ASIC2: variants seen among roughly 807,000 people sequenced by gnomAD.
ASIC2 encodes the protein acid-sensing ion channel 2.
In ASIC2, 25 loss-of-function variants were observed where a neutral mutation model predicts 57.3. That is an observed-to-expected ratio of 0.44 (90% CI 0.32 to 0.61). The LOEUF (loss-of-function observed/expected upper bound fraction) is 0.61, where lower values mean the gene tolerates loss of function less well. Ranked by LOEUF, ASIC2 falls within the 20% of genes least tolerant of loss-of-function variation. ASIC2 has a pLI of 0.06. For synonymous variants in ASIC2, 319 were observed against 307.5 expected (o/e 1.04, Z -0.39); for missense variants, 641 against 738.1 (o/e 0.87, Z 1.52).
chr17:34,086,336 T>C (rs928379633), intron 1 of ASIC2, among the ~76,000 whole-genome samples: 2 of 152,232 alleles, frequency 1.3e-5, no homozygotes, highest in African/African-American at 2.4e-5. Flanking sequence ...AGTTTCCATG[T>C]AGTTGAGCGG....
At chr17:33,562,506 A>C (rs1916104179) in intron 1 of ASIC2, among the ~76,000 whole-genome samples, 1 of 152,188 alleles carries the variant, frequency 6.6e-6, no homozygotes, top group African/African-American at 2.4e-5. Context: ...GATGGATGTC[A>C]TTGCTGCATC....
At chr17:34,039,531 A>T in intron 1 of ASIC2, 1 of 1,613,918 alleles carries the variant, frequency 6.2e-7, no homozygotes, top group Admixed American at 1.7e-5. Context: ...TGGATAAGGA[A>T]TGTTGCAGTG....
intron 1 of ASIC2, among the ~76,000 whole-genome samples, chr17:33,875,674 A>G (rs1914528423): frequency 6.6e-6 from 1 of 152,146 alleles, no homozygotes; most frequent in South Asian, 2.1e-4. Context: ...TGCCCTCCCC[A>G]ACTTCTATCT....
chr17:33,097,126 T>C (rs1050280015), intron 2 of ASIC2, among the ~76,000 whole-genome samples: 1 of 152,220 alleles, frequency 6.6e-6, no homozygotes, highest in Admixed American at 6.5e-5. Context: ...GTGGCCTCGC[T>C]CAAATACTTT....
intron 1 of ASIC2, among the ~76,000 whole-genome samples, chr17:33,354,983 G>A (rs1195009941): frequency 6.6e-6 from 1 of 152,144 alleles, no homozygotes; most frequent in African/African-American, 2.4e-5. Context: ...AGCAGCCTGT[G>A]GGCAGGAGAT....
intron 1 of ASIC2, among the ~76,000 whole-genome samples, chr17:33,415,250 C>CA (rs1910802589): frequency 2.0e-5 from 3 of 152,218 alleles, no homozygotes; most frequent in Admixed American, 2.0e-4. Flanking sequence ...TCAGGGACAT[C>CA]AAAATCTGTC....
intron 1 of ASIC2, among the ~76,000 whole-genome samples, chr17:34,027,522 G>A (rs76157945): frequency 0.018 from 2,685 of 152,184 alleles, 66 homozygotes; most frequent in East Asian, 0.059. Context: ...AAACCAACCT[G>A]AGCACTTTAT....
At chr17:33,777,723 C>A (rs1036747673) in intron 1 of ASIC2, among the ~76,000 whole-genome samples, 1 of 152,148 alleles carries the variant, frequency 6.6e-6, no homozygotes, top group African/African-American at 2.4e-5. Context: ...TAATTATAAG[C>A]TGGAAAAAAG....
intron 1 of ASIC2, among the ~76,000 whole-genome samples, chr17:33,810,119 C>A (rs1912377395): frequency 6.6e-6 from 1 of 152,100 alleles, no homozygotes; most frequent in South Asian, 2.1e-4. Flanking sequence ...CTTGTACAAT[C>A]CAGGTTGTGA....
intron 1 of ASIC2, among the ~76,000 whole-genome samples, chr17:33,622,573 A>G (rs1385676477): frequency 6.6e-6 from 1 of 152,202 alleles, no homozygotes; most frequent in Non-Finnish European, 1.5e-5. Context: ...CAAAATGGCA[A>G]CTAAGCTATG....
At chr17:33,531,077 T>A (rs535244901) in intron 1 of ASIC2, among the ~76,000 whole-genome samples, 1 of 140,150 alleles carries the variant, frequency 7.1e-6, no homozygotes, top group Admixed American at 7.4e-5. Flanking sequence ...TATTAACTTA[T>A]TGACTAACTT....
At chr17:33,885,792 A>G (rs1028578025) in intron 1 of ASIC2, among the ~76,000 whole-genome samples, 26 of 152,232 alleles carry the variant, frequency 1.7e-4, no homozygotes, top group African/African-American at 6.3e-4. Flanking sequence ...GGGATTTATC[A>G]GTTTTTCTTC....
intron 1 of ASIC2, among the ~76,000 whole-genome samples, chr17:33,574,763 C>G (rs1196884700): frequency 6.6e-6 from 1 of 151,976 alleles, no homozygotes; most frequent in Non-Finnish European, 1.5e-5. Context: ...TGGTTCCTCT[C>G]TGTCTCAAAA....
At chr17:33,925,870 A>T (rs984130742) in intron 1 of ASIC2, among the ~76,000 whole-genome samples, 1 of 152,178 alleles carries the variant, frequency 6.6e-6, no homozygotes, top group African/African-American at 2.4e-5. Context: ...ATTTCACAAT[A>T]CTTCTTTGGC....
At chr17:33,017,838 C>T (rs148801940) in intron 7 of ASIC2, among the ~76,000 whole-genome samples, 154 bp from the exon 8 acceptor site, 172 of 152,364 alleles carry the variant, frequency 1.1e-3, no homozygotes, top group African/African-American at 3.9e-3. Context: ...GCAGTTCCTT[C>T]CCTCACGGCA....
intron 1 of ASIC2, among the ~76,000 whole-genome samples, chr17:33,788,721 A>G (rs989553746): frequency 6.6e-6 from 1 of 152,252 alleles, no homozygotes. Context: ...CTATGCAGCC[A>G]TAAAAAGGAA....
At chr17:33,579,582 G>A (rs943868924) in intron 1 of ASIC2, among the ~76,000 whole-genome samples, 4 of 152,144 alleles carry the variant, frequency 2.6e-5, no homozygotes, top group Admixed American at 6.5e-5. Context: ...GAGTGTTACA[G>A]CTCTTAAAGA....
intron 1 of ASIC2, among the ~76,000 whole-genome samples, chr17:33,854,669 G>GTGCCAACC (rs1348309719): frequency 1.3e-5 from 2 of 152,172 alleles, no homozygotes; most frequent in African/African-American, 4.8e-5. Context: ...TGTCTAAGCT[G>GTGCCAACC]TGCCAACCTG....
In ASIC2 at chr17:33,231,000, G is replaced by A. The variant is rs1430028547; in HGVS notation, c.708+60408C>T. On this transcript the variant is annotated intron_variant, in intron 1 of 9. Transcript: ENST00000225823. ...CTTGTGCTTGGGAGAGAGAAACAGAGAACCTTTTTCTGTTAAACAGAGGAA... is the reference window on the plus strand; with the variant it reads ...CTTGTGCTTGGGAGAGAGAAACAGAAAACCTTTTTCTGTTAAACAGAGGAA... Among the ~76,000 whole-genome samples the A allele has an allele frequency of 5.3e-5, 8 of 152,310 alleles. No homozygotes were observed. In the South Asian group the frequency reaches 1.5e-3, roughly 28 times the overall value.
Sources: gnomAD v4.1 joint callset for allele counts (sites outside exome capture counted in the v4.1 genomes callset) on GRCh38, gnomAD v4.1.1 for gene constraint, MANE v1.5 for transcripts, NCBI Gene and HGNC (gene_info 2026-07-23, HGNC 2026-07-21) for gene names.